The following CNOT1 variants were observed in gnomAD, a reference collection of about 807,000 sequenced individuals.
The protein encoded by CNOT1 is CCR4-associated factor 1.
CNOT1 carries 15 observed loss-of-function variants against 273.8 expected under a neutral mutation model. The ratio of observed to expected loss-of-function variants is 0.05; its 90% CI spans 0.04 to 0.08. The LOEUF (loss-of-function observed/expected upper bound fraction) is 0.08. Ranked by LOEUF, CNOT1 falls within the 10% of genes least tolerant of loss-of-function variation. The pLI, the probability that CNOT1 is intolerant of heterozygous loss-of-function variation, is 1.00. For missense variants in CNOT1, 1,644 were observed against 2,912.2 expected (o/e 0.56, Z 10.02); for synonymous variants, 1,022 against 1,005.5 (o/e 1.02, Z -0.31).
At chr16:58,620,653 T>TTAA (rs1158854815) in intron 1 of CNOT1, among the ~76,000 whole-genome samples, 1 of 106,830 alleles carries the variant, frequency 9.4e-6, no homozygotes, top group Non-Finnish European at 1.8e-5. Context: ...CTGTCTCATT[T>TTAA]AAAAAAAAAA....
intron 2 of CNOT1, among the ~76,000 whole-genome samples, chr16:58,593,966 C>A (rs910590813): frequency 7.9e-5 from 12 of 152,136 alleles, no homozygotes; most frequent in African/African-American, 2.7e-4. Flanking sequence ...AAGGCAAGGC[C>A]AGGCATGGTG....
intron 45 of CNOT1, among the ~76,000 whole-genome samples, 178 bp from the exon 46 acceptor site, chr16:58,525,537 T>C (rs1407406949): frequency 6.7e-6 from 1 of 149,910 alleles, no homozygotes; most frequent in Non-Finnish European, 1.5e-5. Flanking sequence ...GGTGGTTGTA[T>C]CAATAAGAGA....
intron 1 of CNOT1, among the ~76,000 whole-genome samples, chr16:58,602,273 G>C (rs2042494234): frequency 6.6e-6 from 1 of 151,892 alleles, no homozygotes; most frequent in Non-Finnish European, 1.5e-5. Flanking sequence ...GTTTCTCCAT[G>C]ATGGTGAGGC....
chr16:58,595,706 C>T (rs1395537157), intron 2 of CNOT1, among the ~76,000 whole-genome samples: 1 of 152,078 alleles, frequency 6.6e-6, no homozygotes, highest in African/African-American at 2.4e-5. Context: ...AAAAAGCAGG[C>T]CATCCTCCAG....
chr16:58,576,402 C>T (rs535206171), intron 14 of CNOT1, 61 bp downstream of exon 14: 69 of 1,605,862 alleles, frequency 4.3e-5, no homozygotes, highest in Middle Eastern at 1.7e-4. Flanking sequence ...TGAGCCACCG[C>T]GCCCGGCCTT....
At chr16:58,551,065 C>T in intron 24 of CNOT1, 67 bp downstream of exon 24, 1 of 1,569,614 alleles carries the variant, frequency 6.4e-7, no homozygotes, top group East Asian at 2.3e-5. Flanking sequence ...GTAAAAGGGC[C>T]AACTATACAT....
At chr16:58,624,278 G>T (rs1384035497) in intron 1 of CNOT1, among the ~76,000 whole-genome samples, 2 of 152,130 alleles carry the variant, frequency 1.3e-5, no homozygotes, top group African/African-American at 4.8e-5. Context: ...TGCTTGATGC[G>T]CAGGGGAAAA....
At chr16:58,542,023 T>G (rs2040110308) in intron 33 of CNOT1, among the ~76,000 whole-genome samples, 1 of 152,168 alleles carries the variant, frequency 6.6e-6, no homozygotes, top group Non-Finnish European at 1.5e-5. Context: ...TAATAACACT[T>G]CAACAACTCT....
At chr16:58,539,679 C>A (rs1416018379) in intron 35 of CNOT1, 89 bp downstream of exon 35, 2 of 1,281,024 alleles carry the variant, frequency 1.6e-6, no homozygotes, top group East Asian at 2.4e-5. Context: ...AAATCTTAAG[C>A]ATAACTGCAT....
Position 58,532,421 on chromosome 16 carries a change from G to C in CNOT1, c.5896-26C>G, listed in dbSNP as rs115342267. 4,427 of 1,604,146 alleles carry C rather than the reference G, an allele frequency of 2.8e-3. 102 individuals carry two copies. The African/African-American group carries it at 0.053, about 19-fold the overall frequency. On this transcript the variant is annotated intron_variant, in intron 40 of 48. Coordinates refer to ENST00000317147, the MANE Select transcript of CNOT1 (RefSeq NM_016284.5). ...CTACGTAAAACACAAATCAGAGCTT[G>C]TAAATCATTCAGATAATCCACTCAC...
rs542052862 is a variant in CNOT1 at position 58,615,787 on chromosome 16, T to C, written c.-175+13941A>G. On this transcript the variant is annotated intron_variant, in intron 1 of 48. Transcript: ENST00000317147. ...GTAAGGAAAAGAGAAGCGAATGTAC[T>C]CAAGAAACAGCAGGCCAGACACAGT... is the stretch of plus-strand genomic sequence containing the variant. Among the ~76,000 whole-genome samples, 65 of 124,602 alleles carry C rather than the reference T, an allele frequency of 5.2e-4. 10 individuals are homozygous for C. Among genetic ancestry groups the C allele is most frequent in the African/African-American group, 1.7e-3 (64 of 37,028 alleles). 81.7% of individuals were successfully genotyped at this position (124,602 alleles called of 152,430 possible). A position where few individuals can be genotyped will look rare whatever the true frequency, so the allele number is the denominator to read the frequency against.
intron 11 of CNOT1, 69 bp downstream of exon 11, chr16:58,581,276 T>G: frequency 6.7e-7 from 1 of 1,492,884 alleles, no homozygotes; most frequent in Non-Finnish European, 9.0e-7. Flanking sequence ...GATCAATGGG[T>G]AGATGGCACT....
chr16:58,539,433 C>T (rs1419447471), intron 35 of CNOT1, among the ~76,000 whole-genome samples: 1 of 147,168 alleles, frequency 6.8e-6, no homozygotes, highest in Non-Finnish European at 1.5e-5. Flanking sequence ...CACATCACTG[C>T]ACTCAAGCCT....
chr16:58,585,163 AC>A (rs2041794717), intron 8 of CNOT1, among the ~76,000 whole-genome samples, 174 bp downstream of exon 8: 1 of 152,158 alleles, frequency 6.6e-6, no homozygotes, highest in Non-Finnish European at 1.5e-5. Context: ...AACATTTAAC[AC>A]CCAGGATGTT....
chr16:58,629,543 TGGA>T (rs2043742983), intron 1 of CNOT1, among the ~76,000 whole-genome samples, 182 bp downstream of exon 1: 1 of 152,098 alleles, frequency 6.6e-6, no homozygotes, highest in Non-Finnish European at 1.5e-5. Flanking sequence ...GAGAGCCGTG[TGGA>T]GAAGAGTCCG....
At chr16:58,565,509 T>C (rs1352333615) in intron 16 of CNOT1, among the ~76,000 whole-genome samples, 1 of 152,198 alleles carries the variant, frequency 6.6e-6, no homozygotes, top group African/African-American at 2.4e-5. Flanking sequence ...AAATAGGCCA[T>C]GTTCACATTA....
intron 24 of CNOT1, among the ~76,000 whole-genome samples, chr16:58,550,244 T>C (rs1234805774): frequency 6.6e-6 from 1 of 152,220 alleles, no homozygotes; most frequent in Non-Finnish European, 1.5e-5. Flanking sequence ...CAGAACTATG[T>C]TTTCCTAAAT....
chr16:58,523,269 AAACGGATTTTCACTG>A lies in CNOT1; in HGVS notation c.6917+86_6917+100del, dbSNP rs113553230. The A allele has an allele frequency of 5.7e-4, 752 of 1,317,996 alleles. 5 individuals carry two copies. In the African/African-American group the frequency reaches 9.9e-3, roughly 17 times the overall value. 81.6% of individuals were successfully genotyped at this position (1,317,996 alleles called of 1,614,324 possible). A position where few individuals can be genotyped will look rare whatever the true frequency, so the allele number is the denominator to read the frequency against. On this transcript the variant is annotated intron_variant, in intron 47 of 48. Coordinates refer to ENST00000317147, the MANE Select transcript of CNOT1 (RefSeq NM_016284.5). ...CAAAAAAACAAAAAAAAAACCAACC[AAACGGATTTTCACTG>A]AACACTGAAAGCATAAAGAGGAAAA...
chr16:58,588,996 C>G, intron 2 of CNOT1, 90 bp from the exon 3 acceptor site: 4 of 1,422,588 alleles, frequency 2.8e-6, no homozygotes, highest in Non-Finnish European at 3.8e-6. Context: ...ACCTCCAAGG[C>G]AAAATTCCAA....
Sources: gnomAD v4.1 joint callset for allele counts (sites outside exome capture counted in the v4.1 genomes callset) on GRCh38, gnomAD v4.1.1 for gene constraint, MANE v1.5 for transcripts, NCBI Gene and HGNC (gene_info 2026-07-23, HGNC 2026-07-21) for gene names.